NBEAL1: variants seen among roughly 807,000 people sequenced by gnomAD.
NBEAL1 encodes neurobeachin-like protein 1.
A neutral mutation model predicts 351.3 loss-of-function variants in NBEAL1; 273 were observed. That is an observed-to-expected ratio of 0.78 (90% CI 0.70 to 0.86). The LOEUF (loss-of-function observed/expected upper bound fraction) is 0.86, where lower values mean the gene tolerates loss of function less well. Ranked by LOEUF, NBEAL1 falls within the 40% of genes least tolerant of loss-of-function variation. NBEAL1 has a pLI of 0.00. For missense variants in NBEAL1, 2,961 were observed against 3,201.3 expected, an observed-to-expected ratio of 0.92 and a Z score of 1.81; for synonymous variants, 1,050 against 1,086.4, an observed-to-expected ratio of 0.97 and a Z score of 0.66.
At chr2:203,158,436 G>T (rs2063854598) in intron 36 of NBEAL1, among the ~76,000 whole-genome samples, 1 of 152,082 alleles carries the variant, frequency 6.6e-6, no homozygotes, top group Admixed American at 6.6e-5. Flanking sequence ...CCCAACCTCT[G>T]CAAGAAGAAA....
At chr2:203,153,897 A>G (rs942056952) in intron 35 of NBEAL1, among the ~76,000 whole-genome samples, 1 of 151,872 alleles carries the variant, frequency 6.6e-6, no homozygotes, top group Admixed American at 6.6e-5. Context: ...ATGTAATTTT[A>G]TGTCCCTTCT....
At chr2:203,050,126 T>A in intron 4 of NBEAL1, 151 bp downstream of exon 4, 1 of 638,110 alleles carries the variant, frequency 1.6e-6, no homozygotes, top group Non-Finnish European at 2.6e-6. Flanking sequence ...ATACCTAATG[T>A]AGATGATGGG....
chr2:203,089,263 G>T (rs1420127810), intron 10 of NBEAL1, among the ~76,000 whole-genome samples: 1 of 151,656 alleles, frequency 6.6e-6, no homozygotes, highest in African/African-American at 2.4e-5. Flanking sequence ...GGAGGCTGAG[G>T]CAAGAGAATC....
chr2:203,039,383 TTCCTGTCCTG>T (rs1274751937), intron 2 of NBEAL1, among the ~76,000 whole-genome samples: 2 of 125,164 alleles, frequency 1.6e-5, no homozygotes, highest in Non-Finnish European at 3.5e-5. Flanking sequence ...TCCCTTCCCT[TTCCTGTCCTG>T]TCCTGTCCTG....
At chr2:203,158,427 C>T (rs1053655897) in intron 36 of NBEAL1, among the ~76,000 whole-genome samples, 17 of 152,080 alleles carry the variant, frequency 1.1e-4, no homozygotes, top group Non-Finnish European at 2.9e-5. Context: ...TACAAATTAC[C>T]CAACCTCTGC....
intron 48 of NBEAL1, among the ~76,000 whole-genome samples, chr2:203,198,659 C>T (rs1046433073): frequency 4.6e-5 from 7 of 151,820 alleles, no homozygotes; most frequent in Non-Finnish European, 2.9e-5. Context: ...CTTAGGAGTT[C>T]GAGACCAGCC....
At chr2:203,051,976 A>G (rs2061331443) in intron 4 of NBEAL1, among the ~76,000 whole-genome samples, 1 of 152,106 alleles carries the variant, frequency 6.6e-6, no homozygotes, top group Admixed American at 6.6e-5. Context: ...CTAATATCTT[A>G]CATTAGTATG....
intron 51 of NBEAL1, among the ~76,000 whole-genome samples, chr2:203,205,698 A>C (rs2065533000): frequency 6.6e-6 from 1 of 152,238 alleles, no homozygotes; most frequent in African/African-American, 2.4e-5. Context: ...ACTCTTAAGT[A>C]AGATAGATCT....
At chr2:203,097,884 A>G (rs987310815) in intron 11 of NBEAL1, among the ~76,000 whole-genome samples, 9 of 152,196 alleles carry the variant, frequency 5.9e-5, no homozygotes, top group Admixed American at 3.9e-4. Flanking sequence ...TTTCAATTTG[A>G]GGAGATATAA....
At chr2:203,052,584 G>T (rs1221393623) in intron 4 of NBEAL1, among the ~76,000 whole-genome samples, 1 of 151,994 alleles carries the variant, frequency 6.6e-6, no homozygotes, top group Non-Finnish European at 1.5e-5. Context: ...GTTAGACAAG[G>T]TCTTACTCTG....
chr2:203,188,468 C>G lies in NBEAL1; in HGVS notation c.6706-4C>G, dbSNP rs1575105171. 1 of 1,478,782 alleles carries G rather than the reference C, an allele frequency of 6.8e-7. No homozygotes were observed. 91.6% of individuals were successfully genotyped at this position (1,478,782 alleles called of 1,614,324 possible). The stretch of plus-strand genomic sequence containing the variant: ...ATTAATTATTAAATTTATTCTTTTT[C>G]TAGGAGTCTGAATATGTTTCAGCTC... On this transcript the variant is annotated splice_region_variant and splice_polypyrimidine_tract_variant and intron_variant, in intron 44 of 55. Coordinates refer to ENST00000683969, the MANE Select transcript of NBEAL1 (RefSeq NM_001378026.1).
intron 10 of NBEAL1, among the ~76,000 whole-genome samples, chr2:203,095,779 G>A (rs377709085): frequency 2.6e-5 from 4 of 151,644 alleles, no homozygotes; most frequent in African/African-American, 9.7e-5. Context: ...TGTTTTGTTT[G>A]TTTGTTTTTT....
intron 55 of NBEAL1, among the ~76,000 whole-genome samples, chr2:203,216,119 A>G (rs186742681): frequency 1.6e-4 from 25 of 152,118 alleles, no homozygotes; most frequent in Admixed American, 1.2e-3. Context: ...ATGTATAAAC[A>G]CTTTTAAAAG....
chr2:203,205,245 T>C (rs2065520764), intron 51 of NBEAL1, among the ~76,000 whole-genome samples: 2 of 152,158 alleles, frequency 1.3e-5, no homozygotes, highest in African/African-American at 2.4e-5. Flanking sequence ...AAAAATAGTA[T>C]ATTTTGTATC....
chr2:203,188,092 A>T (rs1436521459), intron 44 of NBEAL1, among the ~76,000 whole-genome samples: 3 of 151,940 alleles, frequency 2.0e-5, no homozygotes, highest in Non-Finnish European at 2.9e-5. Context: ...CCTTAAATTG[A>T]TATTTTTTTT....
In NBEAL1 at chr2:203,108,155, C is replaced by T. The variant is rs1453058804; in HGVS notation, c.1916C>T (p.Ala639Val). 1.3e-6 allele frequency: 2 copies of T among 1,550,494 alleles called. No individual in the cohort carries two copies. The highest frequency in any genetic ancestry group is 2.4e-5 in the South Asian group (2 of 83,816). The change falls in exon 14 of 56, where the codon GCT becomes GTT. Residue 639 changes from alanine (A) to valine (V), a missense_variant. Ala to Val is a moderately conservative substitution (Grantham distance 64, BLOSUM62 0). Coordinates refer to ENST00000683969, the MANE Select transcript of NBEAL1 (RefSeq NM_001378026.1). ...LDQDQLTLGI[A>V]NKGGKRKQLY... ...CAGGATCAGTTGACTCTTGGCATTGCTAACAAAGGAGGGAAAAGGAAACAA... is the reference window on the plus strand; with the variant it reads ...CAGGATCAGTTGACTCTTGGCATTGTTAACAAAGGAGGGAAAAGGAAACAA...
In NBEAL1 at chr2:203,219,250, CCTA is replaced by C. The variant is rs1349310577; in HGVS notation, c.*1900_*1902del. The stretch of plus-strand genomic sequence containing the variant: ...TTTAGAAACTTTTTCTAAATCAAAA[CCTA>C]CTAAGTTTTATTTTGTTATTTATCC... On this transcript the variant is annotated 3_prime_UTR_variant, in exon 56 of 56. Coordinates refer to ENST00000683969, the MANE Select transcript of NBEAL1 (RefSeq NM_001378026.1). 6.6e-6 allele frequency: 1 copy of C among 151,728 alleles called. No individual in the cohort carries two copies. The highest frequency in any genetic ancestry group is 1.5e-5 in the Non-Finnish European group (1 of 67,950). 9.4% of individuals were successfully genotyped at this position (151,728 alleles called of 1,614,324 possible).
At chr2:203,203,388 T>C (rs1390779056) in intron 51 of NBEAL1, among the ~76,000 whole-genome samples, 3 of 152,112 alleles carry the variant, frequency 2.0e-5, no homozygotes, top group Non-Finnish European at 4.4e-5. Flanking sequence ...TTGGCCAGGC[T>C]GGTCTTGAAC....
intron 42 of NBEAL1, among the ~76,000 whole-genome samples, chr2:203,177,568 C>T (rs145147705): frequency 6.6e-6 from 1 of 152,214 alleles, no homozygotes; most frequent in Non-Finnish European, 1.5e-5. Flanking sequence ...CAGTGAGATG[C>T]CACTTCACAC....
Sources: allele counts gnomAD v4.1 joint callset (sites outside exome capture counted in the v4.1 genomes callset), GRCh38; gene constraint gnomAD v4.1.1; transcripts MANE v1.5; gene names NCBI Gene and HGNC (gene_info 2026-07-23, HGNC 2026-07-21).